SCN3A: variants seen among roughly 807,000 people sequenced by gnomAD.
The protein encoded by SCN3A is sodium channel protein type 3 subunit alpha.
A neutral mutation model predicts 187.6 loss-of-function variants in SCN3A; 60 were observed. The ratio of observed to expected loss-of-function variants is 0.32; its 90% CI spans 0.26 to 0.40. The LOEUF (loss-of-function observed/expected upper bound fraction) is 0.40, where lower values mean the gene tolerates loss of function less well. Ranked by LOEUF, SCN3A falls within the 10% of genes least tolerant of loss-of-function variation. SCN3A has a pLI of 1.00. For synonymous variants in SCN3A, 788 were observed against 829.2 expected (o/e 0.95, Z 0.85); for missense variants, 1,601 against 2,428.2 (o/e 0.66, Z 7.16).
intron 1 of SCN3A, among the ~76,000 whole-genome samples, chr2:165,197,635 A>AT (rs1254432436): frequency 6.7e-5 from 9 of 134,124 alleles, no homozygotes; most frequent in African/African-American, 2.5e-4. Flanking sequence ...CTATAAATCT[A>AT]TTTTTTTCTT....
chr2:165,162,704 C>T lies in SCN3A; in HGVS notation c.819G>A (p.Leu273=), dbSNP rs1350547141. The change falls in exon 8 of 28, where the codon CTG becomes CTA. Residue 273 remains leucine (L), a synonymous_variant. Coordinates refer to ENST00000283254, the MANE Select transcript of SCN3A (RefSeq NM_006922.4). ...GGGGCCACTGCAAACATTTATTCCT[C>T]AGATTGCCCATGAACAGCTGCAGCC... ...LIGLQLFMGN[L]RNKCLQWPPS... The T allele has an allele frequency of 6.2e-7, 1 of 1,614,134 alleles. No homozygotes were observed. Among genetic ancestry groups the T allele is most frequent in the Non-Finnish European group, 8.5e-7 (1 of 1,180,004 alleles).
chr2:165,125,365 G>T (rs967484035), intron 18 of SCN3A, among the ~76,000 whole-genome samples: 2 of 151,594 alleles, frequency 1.3e-5, no homozygotes, highest in Non-Finnish European at 2.9e-5. Flanking sequence ...GTGCAGTGGC[G>T]CAATCTCCGC....
chr2:165,173,453 T>C (rs1345976648), intron 3 of SCN3A, among the ~76,000 whole-genome samples: 1 of 152,134 alleles, frequency 6.6e-6, no homozygotes, highest in Non-Finnish European at 1.5e-5. Context: ...GTTCACTATA[T>C]AGTAAATGAG....
Position 165,140,853 on chromosome 2 carries a change from C to T in SCN3A, c.1817G>A (p.Ser606Asn). Residue 606 changes from serine (S) to asparagine (N), a missense_variant, in exon 13 of 28, where the codon AGC becomes AAC. This residue lies in a region of SCN3A where 376 missense variants were observed against 476.0 expected (regional missense o/e 0.79). Transcript: ENST00000283254. The surrounding 1 kb of genome is among the most constrained non-coding windows in gnomAD (Gnocchi z 4.2). ...CGGCACAAACAGTGAGTCTCTCCTG[C>T]TTTCGCTGTCTTCAAATGTGCTGTG... ...DEHSTFEDSESRRDSLFVPHR... is the reference protein window; with the variant it reads ...DEHSTFEDSENRRDSLFVPHR... The T allele has an allele frequency of 2.5e-6, 4 of 1,614,142 alleles. No homozygotes were observed. Among genetic ancestry groups the T allele is most frequent in the Non-Finnish European group, 2.5e-6 (3 of 1,180,030 alleles).
In SCN3A at chr2:165,095,055, A is replaced by G. The variant is rs527529503; in HGVS notation, c.4431+456T>C. ...AAAGATGATTATGGGTTTTCTAGGA[A>G]CATTCCAGGATAAAAAAAAATCACA... On this transcript the variant is annotated intron_variant, in intron 25 of 27. Coordinates refer to ENST00000283254, the MANE Select transcript of SCN3A (RefSeq NM_006922.4). Among the ~76,000 whole-genome samples, 319 of 152,278 alleles carry G rather than the reference A, an allele frequency of 2.1e-3. 1 individual carries two copies. Among genetic ancestry groups the G allele is most frequent in the African/African-American group, 7.3e-3 (303 of 41,568 alleles).
chr2:165,164,605 T>C, intron 5 of SCN3A, 85 bp from the exon 6 acceptor site: 1 of 1,462,504 alleles, frequency 6.8e-7, no homozygotes, highest in Non-Finnish European at 9.4e-7. Flanking sequence ...TCCTATCCTT[T>C]TGTGGTTTTT....
At chr2:165,149,976 C>A (rs1688598381) in intron 11 of SCN3A, among the ~76,000 whole-genome samples, 1 of 152,096 alleles carries the variant, frequency 6.6e-6, no homozygotes, top group African/African-American at 2.4e-5. Context: ...GACATTATAC[C>A]TATTTCTGTT....
chr2:165,199,591 T>A (rs11895648), intron 1 of SCN3A, among the ~76,000 whole-genome samples: 12,468 of 145,178 alleles, frequency 0.086, 601 homozygotes, highest in Non-Finnish European at 0.11. Flanking sequence ...AAAAAAGTAA[T>A]AAAAAAAAAA....
chr2:165,093,252 G>A (rs896665591), intron 26 of SCN3A: 1 of 151,868 alleles, frequency 6.6e-6, no homozygotes, highest in African/African-American at 2.4e-5. Flanking sequence ...AGAAATTTTG[G>A]TTTATACCTT....
At chr2:165,167,809 T>C (rs536542694) in intron 5 of SCN3A, among the ~76,000 whole-genome samples, 3 of 152,220 alleles carry the variant, frequency 2.0e-5, no homozygotes, top group African/African-American at 7.2e-5. Context: ...ATAATAATAA[T>C]AAAAAGATCT....
chr2:165,153,810 A>G (rs1469792912), intron 11 of SCN3A, among the ~76,000 whole-genome samples: 3 of 151,898 alleles, frequency 2.0e-5, no homozygotes, highest in Non-Finnish European at 4.4e-5. Flanking sequence ...CTTTCAGTAT[A>G]TGGATTTTTT....
At chr2:165,113,387 G>T (rs1418419514) in intron 20 of SCN3A, among the ~76,000 whole-genome samples, 1 of 151,976 alleles carries the variant, frequency 6.6e-6, no homozygotes, top group Non-Finnish European at 1.5e-5. Flanking sequence ...GACAGAATTG[G>T]CCTATTCAAA....
At chr2:165,117,562 C>T (rs1004371244) in intron 18 of SCN3A, among the ~76,000 whole-genome samples, 1 of 151,942 alleles carries the variant, frequency 6.6e-6, no homozygotes, top group Non-Finnish European at 1.5e-5. Context: ...CAGTGTATCA[C>T]CAAGTATAGA....
At chr2:165,174,674 AAC>A (rs1340763001) in intron 3 of SCN3A, among the ~76,000 whole-genome samples, 1 of 152,178 alleles carries the variant, frequency 6.6e-6, no homozygotes, top group Admixed American at 6.5e-5. Context: ...CCTTCAGAGC[AAC>A]AGTTTTCACC....
In SCN3A at chr2:165,162,714, A is replaced by G. The variant is rs2105890332; in HGVS notation, c.809T>C (p.Met270Thr). Residue 270 changes from methionine (M) to threonine (T), a missense_variant, in exon 8 of 28, where the codon ATG (methionine) becomes ACG (threonine). Coordinates refer to ENST00000283254, the MANE Select transcript of SCN3A (RefSeq NM_006922.4). ...VFALIGLQLF[M>T]GNLRNKCLQW... ...CAAACATTTATTCCTCAGATTGCCC[A>G]TGAACAGCTGCAGCCCAATGAGAGC... 6.2e-7 allele frequency: 1 copy of G among 1,614,162 alleles called. No individual in the cohort carries two copies.
intron 21 of SCN3A, among the ~76,000 whole-genome samples, chr2:165,107,418 A>G (rs1486312614): frequency 1.1e-4 from 16 of 152,232 alleles, no homozygotes; most frequent in Admixed American, 1.0e-3. Context: ...ATCACATACT[A>G]GACTGTTTAC....
intron 2 of SCN3A, among the ~76,000 whole-genome samples, chr2:165,178,737 C>T (rs975876217): frequency 6.6e-6 from 1 of 151,692 alleles, no homozygotes; most frequent in Non-Finnish European, 1.5e-5. Flanking sequence ...TTTTTTTTCT[C>T]CATCAGGTTG....
chr2:165,139,779 G>T (rs1687891054), intron 13 of SCN3A, 171 bp from the exon 14 acceptor site: 2 of 705,366 alleles, frequency 2.8e-6, no homozygotes, highest in South Asian at 3.7e-5. Context: ...TTAAAAAAAA[G>T]TTATCACAGG....
At chr2:165,147,663 G>A (rs1047711088) in intron 11 of SCN3A, among the ~76,000 whole-genome samples, 8 of 150,736 alleles carry the variant, frequency 5.3e-5, no homozygotes, top group Middle Eastern at 3.4e-3. Flanking sequence ...AATGTTAAAC[G>A]TTCATAGATT....
Sources: gnomAD v4.1 joint callset for allele counts (sites outside exome capture counted in the v4.1 genomes callset) on GRCh38, gnomAD v4.1.1 for gene constraint, gnomAD v4.1.1 regional missense constraint, Gnocchi (gnomAD v3.1) non-coding constraint, MANE v1.5 for transcripts, NCBI Gene and HGNC (gene_info 2026-07-23, HGNC 2026-07-21) for gene names.